The following CECR2 variants were observed in gnomAD, a reference collection of about 807,000 sequenced individuals.
The protein encoded by CECR2 is chromatin remodeling regulator CECR2.
In CECR2, 30 loss-of-function variants were observed where a neutral mutation model predicts 154.5. The observed-to-expected ratio is 0.19, with a 90% confidence interval of 0.15 to 0.26. The LOEUF is 0.26. Ranked by LOEUF, CECR2 falls within the 10% of genes least tolerant of loss-of-function variation. CECR2 has a pLI of 1.00. For missense variants in CECR2, 1,743 were observed against 1,829.3 expected, an observed-to-expected ratio of 0.95 and a Z score of 0.86; for synonymous variants, 725 against 683.7, an observed-to-expected ratio of 1.06 and a Z score of -0.94.
At chr22:17,527,259 A>C (rs1601518163) in intron 9 of CECR2, among the ~76,000 whole-genome samples, 1 of 152,098 alleles carries the variant, frequency 6.6e-6, no homozygotes. Context: ...GGAGTTCAAG[A>C]CCAGCCTCGG....
At chr22:17,454,286 G>T (rs1265623896) in intron 1 of CECR2, among the ~76,000 whole-genome samples, 1 of 151,790 alleles carries the variant, frequency 6.6e-6, no homozygotes, top group Non-Finnish European at 1.5e-5. Flanking sequence ...ATGACAGAGT[G>T]AGACCCTGTC....
chr22:17,546,402 C>T (rs542581491), intron 16 of CECR2, among the ~76,000 whole-genome samples: 1 of 147,880 alleles, frequency 6.8e-6, no homozygotes, highest in South Asian at 2.1e-4. Context: ...GGGAGAATGG[C>T]GTGAACCCGG....
intron 1 of CECR2, among the ~76,000 whole-genome samples, chr22:17,446,915 A>G (rs867071114): frequency 7.0e-6 from 1 of 142,596 alleles, no homozygotes; most frequent in Non-Finnish European, 1.5e-5. Flanking sequence ...TGATTGGTCC[A>G]TTTTACAGAA....
chr22:17,499,490 A>T lies in CECR2; in HGVS notation c.486A>T (p.Thr162=). 3 of 1,613,874 alleles carry T rather than the reference A, an allele frequency of 1.9e-6. No homozygotes were observed. The highest frequency in any genetic ancestry group is 2.5e-6 in the Non-Finnish European group (3 of 1,179,848). ...CACTATATTGGTATTTCTATGGAAC[A>T]CGAATGTACAAAGAGGACCCGGTGC... is the stretch of plus-strand genomic sequence containing the variant. ...SGALYWYFYG[T]RMYKEDPVQG... The change falls in exon 4 of 19, where the codon ACA becomes ACT. Residue 162 remains threonine, a synonymous_variant. Transcript: ENST00000262608.
intron 1 of CECR2, among the ~76,000 whole-genome samples, chr22:17,443,726 G>A (rs5747145): frequency 0.13 from 19,966 of 152,014 alleles, 1,538 homozygotes; most frequent in South Asian, 0.24. Flanking sequence ...CCCACTCCTC[G>A]TAATCTGCTT....
intron 1 of CECR2, among the ~76,000 whole-genome samples, chr22:17,460,645 G>C (rs985143486): frequency 3.3e-5 from 5 of 152,084 alleles, no homozygotes; most frequent in African/African-American, 4.8e-5. Flanking sequence ...TTTTAGTTCA[G>C]ACCTTCAGGT....
At chr22:17,361,373 C>T (rs1672157977) in intron 1 of CECR2, among the ~76,000 whole-genome samples, 1 of 151,914 alleles carries the variant, frequency 6.6e-6, no homozygotes, top group South Asian at 2.1e-4. Context: ...GTAATCTCAG[C>T]TACTCAGGAG....
intron 9 of CECR2, among the ~76,000 whole-genome samples, chr22:17,526,645 C>G (rs1394278183): frequency 6.6e-6 from 1 of 151,842 alleles, no homozygotes; most frequent in East Asian, 1.9e-4. Flanking sequence ...CCCGTCTCTA[C>G]TAAAAATACA....
In CECR2 at chr22:17,552,223, A is replaced by C. The variant is rs757542214; in HGVS notation, c.4389+81A>C. 779 of 1,316,812 alleles carry C rather than the reference A, an allele frequency of 5.9e-4. 1 individual carries two copies. The highest frequency in any genetic ancestry group is 5.5e-3 in the Middle Eastern group (28 of 5,054). 81.6% of individuals were successfully genotyped at this position (1,316,812 alleles called of 1,614,324 possible). On this transcript the variant is annotated intron_variant, in intron 18 of 18. Transcript: ENST00000262608. ...GTATATGACAACCTTGCTGTTCTGA[A>C]AAAATGTTTTAAGGTATCCTGTGGA...
chr22:17,519,297 T>G (rs174304), intron 8 of CECR2, among the ~76,000 whole-genome samples: 20,722 of 147,840 alleles, frequency 0.14, 1,812 homozygotes, highest in Non-Finnish European at 0.2. Context: ...TTTGTGTTTT[T>G]TTTTTTTTTT....
chr22:17,416,019 A>G (rs778616612), intron 1 of CECR2, among the ~76,000 whole-genome samples: 2 of 152,188 alleles, frequency 1.3e-5, no homozygotes, highest in Non-Finnish European at 1.5e-5. Context: ...TAGGATTGCC[A>G]TTAATGTTTC....
rs112799489 is a variant in CECR2, at chr22:17,451,149, G to A, written c.127-26439G>A. Among the ~76,000 whole-genome samples, 1,241 of 152,314 alleles carry A rather than the reference G, an allele frequency of 8.1e-3. 8 individuals carry two copies. Among genetic ancestry groups the A allele is most frequent in the Non-Finnish European group, 0.013 (857 of 68,024 alleles). On this transcript the variant is annotated intron_variant, in intron 1 of 18. Transcript: ENST00000262608. ...GAAAGAAAGAAGCTGAGACAAAATT[G>A]ATTTAAGTAGAGAGTTCAGGTGGGC... is the stretch of plus-strand genomic sequence containing the variant.
chr22:17,412,185 C>G (rs997773412), intron 1 of CECR2, among the ~76,000 whole-genome samples: 53 of 152,226 alleles, frequency 3.5e-4, no homozygotes, highest in African/African-American at 1.2e-3. Flanking sequence ...GTCAAATAAA[C>G]AATGATCCTT....
At chr22:17,535,094 T>A (rs2056418112) in intron 9 of CECR2, among the ~76,000 whole-genome samples, 3 of 151,140 alleles carry the variant, frequency 2.0e-5, no homozygotes, top group Admixed American at 1.3e-4. Flanking sequence ...GAGCTCGCAG[T>A]GAGGCGAGAT....
chr22:17,376,942 C>T (rs1271314875), intron 1 of CECR2, among the ~76,000 whole-genome samples: 1 of 152,138 alleles, frequency 6.6e-6, no homozygotes, highest in Non-Finnish European at 1.5e-5. Flanking sequence ...AGCCCCTAAA[C>T]ACATTTTCAA....
chr22:17,429,117 G>A (rs2518746), intron 1 of CECR2, among the ~76,000 whole-genome samples: 85,787 of 151,710 alleles, frequency 0.57, 25,903 homozygotes, highest in African/African-American at 0.79. Flanking sequence ...GGTGGGATAG[G>A]GGAGAGTCTG....
At chr22:17,514,175 G>A (rs1216996474) in intron 8 of CECR2, among the ~76,000 whole-genome samples, 1 of 152,200 alleles carries the variant, frequency 6.6e-6, no homozygotes, top group African/African-American at 2.4e-5. Context: ...TCAGTGAGGG[G>A]AGACTGTCTC....
At chr22:17,413,538 A>G (rs770107776) in intron 1 of CECR2, among the ~76,000 whole-genome samples, 52 of 152,130 alleles carry the variant, frequency 3.4e-4, no homozygotes, top group Non-Finnish European at 6.9e-4. Flanking sequence ...CCTTCACTGC[A>G]GGACTCTACC....
chr22:17,392,163 T>G lies in CECR2; in HGVS notation c.126+22254T>G, dbSNP rs1031802282. On this transcript the variant is annotated intron_variant, in intron 1 of 18. Coordinates refer to ENST00000262608, the MANE Select transcript of CECR2 (RefSeq NM_001290047.2). ...TAAGCGTGGCTTGGTAGCTCATGCCTGTAATCCCAGTCCTTTGGGAGGCTG... is the reference window on the plus strand; with the variant it reads ...TAAGCGTGGCTTGGTAGCTCATGCCGGTAATCCCAGTCCTTTGGGAGGCTG... 9.4e-4 allele frequency among the ~76,000 whole-genome samples: 143 copies of G among 152,216 alleles called. 1 individual carries two copies. Among genetic ancestry groups the G allele is most frequent in the African/African-American group, 3.4e-3 (140 of 41,462 alleles).
Sources: allele counts gnomAD v4.1 joint callset (sites outside exome capture counted in the v4.1 genomes callset), GRCh38; gene constraint gnomAD v4.1.1; transcripts MANE v1.5; gene names NCBI Gene and HGNC (gene_info 2026-07-23, HGNC 2026-07-21).